Variants in ANKRD30A observed in about 807,000 individuals in gnomAD.
The protein encoded by ANKRD30A is ankyrin repeat domain 30A.
A neutral mutation model predicts 166.3 loss-of-function variants in ANKRD30A; 170 were observed. The observed-to-expected ratio is 1.02, with a 90% CI of 0.90 to 1.16. The LOEUF (loss-of-function observed/expected upper bound fraction) is 1.16. Among genes scored for constraint, ANKRD30A ranks in the 50% most tolerant of loss-of-function variants. The pLI is 0.00. For missense variants in ANKRD30A, 1,630 were observed against 1,518.0 expected, an observed-to-expected ratio of 1.07 and a Z score of -1.23; for synonymous variants, 564 against 508.9, an observed-to-expected ratio of 1.11 and a Z score of -1.46.
the ANKRD30A span, among the ~76,000 whole-genome samples, chr10:37,243,781 A>C: frequency 6.6e-6 from 1 of 152,128 alleles, no homozygotes; most frequent in African/African-American, 2.4e-5. Flanking sequence ...CATTGAAATC[A>C]ATGTGTGCTT....
chr10:37,246,986 C>G, the ANKRD30A span, among the ~76,000 whole-genome samples: 1 of 152,072 alleles, frequency 6.6e-6, no homozygotes, highest in Non-Finnish European at 1.5e-5. Context: ...TTTGGGAGAC[C>G]GAGGTGGGTG....
At chr10:37,258,889 G>C in the ANKRD30A span, among the ~76,000 whole-genome samples, 1 of 149,976 alleles carries the variant, frequency 6.7e-6, no homozygotes, top group African/African-American at 2.5e-5. Context: ...CTTGAACTCG[G>C]GATGAGGAGG....
chr10:37,209,828 T>A (rs377747401), intron 31 of ANKRD30A, among the ~76,000 whole-genome samples: 110 of 152,018 alleles, frequency 7.2e-4, no homozygotes, highest in Middle Eastern at 3.4e-3. Context: ...GATATTATAT[T>A]TTTTTTGACA....
intron 24 of ANKRD30A, among the ~76,000 whole-genome samples, chr10:37,178,321 C>G (rs1055972057): frequency 6.6e-6 from 1 of 151,268 alleles, no homozygotes; most frequent in African/African-American, 2.4e-5. Context: ...ATAAGCATAT[C>G]TGCACGGCCA....
intron 34 of ANKRD30A, among the ~76,000 whole-genome samples, chr10:37,222,711 CAG>C (rs1362768006): frequency 6.6e-6 from 1 of 151,386 alleles, no homozygotes; most frequent in Non-Finnish European, 1.5e-5. Flanking sequence ...CTCATTCATT[CAG>C]ACTTGGTGGA....
intron 34 of ANKRD30A, among the ~76,000 whole-genome samples, chr10:37,229,918 C>G (rs1398477169): frequency 6.6e-6 from 1 of 151,818 alleles, no homozygotes; most frequent in Non-Finnish European, 1.5e-5. Context: ...TATTCGTCAC[C>G]TCAAGCTTTT....
the ANKRD30A span, among the ~76,000 whole-genome samples, chr10:37,253,561 C>T: frequency 6.6e-6 from 1 of 151,926 alleles, no homozygotes; most frequent in African/African-American, 2.4e-5. Flanking sequence ...ATAGGTGTGA[C>T]AATTTCTGGA....
In ANKRD30A at chr10:37,196,093, A is replaced by T. The variant is rs368997908; in HGVS notation, c.2615-1188A>T. Among the ~76,000 whole-genome samples, 1,263 of 129,426 alleles carry T rather than the reference A, an allele frequency of 9.8e-3. 34 individuals carry two copies. The highest frequency in any genetic ancestry group is 0.034 in the African/African-American group (1,180 of 34,592). 84.9% of individuals were successfully genotyped at this position (129,426 alleles called of 152,430 possible). A position where few individuals can be genotyped will look rare whatever the true frequency, so the allele number is the denominator to read the frequency against. ...AGTTAGAGGTTTTTTTATATTTTCT[A>T]TTTTTTTTTTTTTTTTTTTGTAGTA... On this transcript the variant is annotated intron_variant, in intron 27 of 35. Transcript: ENST00000361713.
chr10:37,132,986 C>T (rs1271978363), intron 4 of ANKRD30A, among the ~76,000 whole-genome samples: 2 of 150,228 alleles, frequency 1.3e-5, no homozygotes, highest in Non-Finnish European at 3.0e-5. Flanking sequence ...GGTAATAGAG[C>T]GAGATTCTGT....
intron 34 of ANKRD30A, among the ~76,000 whole-genome samples, chr10:37,221,607 A>G (rs1218024419): frequency 2.0e-5 from 3 of 151,370 alleles, no homozygotes; most frequent in East Asian, 3.9e-4. Flanking sequence ...CAATTTTATT[A>G]TCTTTAAAAT....
intron 27 of ANKRD30A, among the ~76,000 whole-genome samples, chr10:37,193,877 TG>T (rs147048632): frequency 0.048 from 7,286 of 152,272 alleles, 254 homozygotes; most frequent in South Asian, 0.061. Context: ...TAGTTCTTGT[TG>T]TCATTCCCGT....
intron 34 of ANKRD30A, among the ~76,000 whole-genome samples, chr10:37,221,043 C>CT (rs1450598896): frequency 4.7e-5 from 6 of 126,876 alleles, no homozygotes; most frequent in Non-Finnish European, 6.9e-5. Context: ...GTCCTTCCCA[C>CT]ATTTTTTTTT....
At chr10:37,192,365 A>G (rs975710546) in intron 25 of ANKRD30A, among the ~76,000 whole-genome samples, 1 of 152,016 alleles carries the variant, frequency 6.6e-6, no homozygotes. Flanking sequence ...GTTGATGGGT[A>G]TGCTTGGACC....
the ANKRD30A span, chr10:37,264,549 G>A: frequency 2.1e-6 from 1 of 465,472 alleles, no homozygotes; most frequent in Non-Finnish European, 3.5e-6. Flanking sequence ...CTGGCTGTCT[G>A]GGGAAGCATG....
intron 30 of ANKRD30A, among the ~76,000 whole-genome samples, chr10:37,200,747 C>T (rs989133298): frequency 4.6e-5 from 7 of 152,060 alleles, no homozygotes; most frequent in African/African-American, 1.7e-4. Context: ...TTTCAACATT[C>T]TGTACATACA....
chr10:37,130,432 A>T, intron 3 of ANKRD30A, 54 bp downstream of exon 3: 1 of 1,340,120 alleles, frequency 7.5e-7, no homozygotes, highest in Non-Finnish European at 9.8e-7. Flanking sequence ...TTGTTTTAAC[A>T]TTAACATATG....
In ANKRD30A at chr10:37,151,592, A is replaced by C. The variant is rs1192290403; in HGVS notation, c.1646-468A>C. Among the ~76,000 whole-genome samples the C allele has an allele frequency of 1.3e-5, 2 of 152,148 alleles. 1 individual carries two copies. On this transcript the variant is annotated intron_variant, in intron 11 of 35. Coordinates refer to ENST00000361713, the MANE Select transcript of ANKRD30A (RefSeq NM_052997.3). ...TTGGACATATAGTTGACTAACATCA[A>C]AAAGTTAATACTCCTAAAAAATCTT...
chr10:37,236,219 TC>T (rs1336787809), downstream of ANKRD30A, among the ~76,000 whole-genome samples: 3 of 152,186 alleles, frequency 2.0e-5, no homozygotes, highest in Non-Finnish European at 4.4e-5. Context: ...CAAATGATTC[TC>T]CTATTTCTTT....
At chr10:37,159,302 A>G (rs1484814162) in intron 15 of ANKRD30A, among the ~76,000 whole-genome samples, 4 of 152,148 alleles carry the variant, frequency 2.6e-5, no homozygotes, top group Non-Finnish European at 5.9e-5. Context: ...AGATAAGTTA[A>G]GGTCAGGAGT....
Sources: gnomAD v4.1 joint callset for allele counts (sites outside exome capture counted in the v4.1 genomes callset) on GRCh38, gnomAD v4.1.1 for gene constraint, MANE v1.5 for transcripts, NCBI Gene and HGNC (gene_info 2026-07-23, HGNC 2026-07-21) for gene names.